Variants in LNPEP observed in about 807,000 individuals in gnomAD.
The protein encoded by LNPEP is leucyl and cystinyl aminopeptidase.
LNPEP carries 64 observed loss-of-function variants against 120.6 expected under a neutral mutation model. The ratio of observed to expected loss-of-function variants is 0.53; its 90% CI spans 0.43 to 0.65. The LOEUF (loss-of-function observed/expected upper bound fraction) is 0.65. Among genes scored for constraint, LNPEP ranks in the 30% least tolerant of loss-of-function variants. LNPEP has a pLI of 0.00. For missense variants in LNPEP, 1,057 were observed against 1,200.0 expected (o/e 0.88, Z 1.76); for synonymous variants, 435 against 425.4 (o/e 1.02, Z -0.28).
intron 1 of LNPEP, among the ~76,000 whole-genome samples, chr5:96,949,900 T>A (rs1197252918): frequency 6.6e-6 from 1 of 152,222 alleles, no homozygotes; most frequent in African/African-American, 2.4e-5. Context: ...TCAGTCAGTC[T>A]GTCTATCCTT....
At chr5:96,951,285 G>A (rs537515938) in intron 1 of LNPEP, among the ~76,000 whole-genome samples, 186 of 151,840 alleles carry the variant, frequency 1.2e-3, no homozygotes, top group Non-Finnish European at 2.3e-3. Flanking sequence ...GGGGGACAGA[G>A]TCTTGCTCTG....
At chr5:96,946,358 T>C (rs937647024) in intron 1 of LNPEP, among the ~76,000 whole-genome samples, 1 of 152,146 alleles carries the variant, frequency 6.6e-6, no homozygotes, top group Non-Finnish European at 1.5e-5. Flanking sequence ...AGAAAAATAA[T>C]TGAATATAGA....
At chr5:97,008,252 T>C (rs1195883556) in intron 11 of LNPEP, among the ~76,000 whole-genome samples, 1 of 152,042 alleles carries the variant, frequency 6.6e-6, no homozygotes, top group Non-Finnish European at 1.5e-5. Flanking sequence ...TTTTCAGTGC[T>C]ATTAGAAATA....
rs1470392013 is a variant in LNPEP at position 97,003,550 on chromosome 5, A to G, written c.1785+4A>G. The G allele has an allele frequency of 1.3e-6, 2 of 1,581,638 alleles. No homozygotes were observed. Among genetic ancestry groups the G allele is most frequent in the Non-Finnish European group, 1.7e-6 (2 of 1,165,986 alleles). On this transcript the variant is annotated splice_donor_region_variant and intron_variant, in intron 9 of 17. Coordinates refer to ENST00000231368, the MANE Select transcript of LNPEP (RefSeq NM_005575.3). ...TCTGTGGGATAGTTTTAATGAGGTAAGTGACCTGGGTAATTTATTTAGCTC... is the reference window on the plus strand; with the variant it reads ...TCTGTGGGATAGTTTTAATGAGGTAGGTGACCTGGGTAATTTATTTAGCTC...
chr5:97,026,651 C>T lies in LNPEP; in HGVS notation c.2758C>T (p.Arg920Ter), dbSNP rs777894245. The change falls in exon 16 of 18, where the codon CGA becomes TGA. Residue 920 changes from arginine to a stop codon, truncating the protein, a stop_gained. Transcript: ENST00000231368. LOFTEE classifies it high-confidence loss of function. ...AAGTAGCCTGAATGGAGATAACTTC[C>T]GAACACAGAAGCTGTCTTTTATCAT... ...MKSSLNGDNF[R>*]TQKLSFIIRT... 1 of 1,612,816 alleles carries T rather than the reference C, an allele frequency of 6.2e-7. No homozygotes were observed. Among genetic ancestry groups the T allele is most frequent in the South Asian group, 1.1e-5 (1 of 91,012 alleles).
intron 8 of LNPEP, among the ~76,000 whole-genome samples, chr5:96,999,039 C>T (rs1338462362): frequency 6.6e-6 from 1 of 152,020 alleles, no homozygotes; most frequent in African/African-American, 2.4e-5. Flanking sequence ...GTGGAAGCCA[C>T]ACGTGAAGAG....
At chr5:96,941,170 A>G (rs921544332) in intron 1 of LNPEP, among the ~76,000 whole-genome samples, 5 of 152,210 alleles carry the variant, frequency 3.3e-5, no homozygotes, top group African/African-American at 1.2e-4. Context: ...GATCCCTCAC[A>G]TGCGCAGTTC....
Position 97,027,743 on chromosome 5 carries a change from G to C in LNPEP, c.2875G>C (p.Gly959Arg), listed in dbSNP as rs773916168. Residue 959 changes from glycine (G) to arginine (R), a missense_variant, in exon 17 of 18, where the codon GGG (glycine) becomes CGG (arginine). Transcript: ENST00000231368. ...WNKLVQKFPL[G>R]SYTIQNIVAG... ...TTTGTGTTTCTTCAGGTTCCCTCTGGGGTCCTATACCATACAAAATATTGT... is the reference window on the plus strand; with the variant it reads ...TTTGTGTTTCTTCAGGTTCCCTCTGCGGTCCTATACCATACAAAATATTGT... 4 of 1,597,508 alleles carry C rather than the reference G, an allele frequency of 2.5e-6. No individual in the cohort carries two copies. In the East Asian group the frequency reaches 8.9e-5, roughly 36 times the overall value.
intron 9 of LNPEP, among the ~76,000 whole-genome samples, chr5:97,005,292 A>G: frequency 6.6e-6 from 1 of 152,148 alleles, no homozygotes; most frequent in East Asian, 1.9e-4. Context: ...TAGAAAAATA[A>G]TTTGAATCCT....
chr5:96,968,847 T>C (rs1471426701), intron 1 of LNPEP, among the ~76,000 whole-genome samples: 1 of 152,100 alleles, frequency 6.6e-6, no homozygotes, highest in Non-Finnish European at 1.5e-5. Context: ...TCTCACATGC[T>C]GTTCAGAGGC....
intron 5 of LNPEP, among the ~76,000 whole-genome samples, chr5:96,993,354 A>C (rs551420387): frequency 3.3e-5 from 5 of 152,192 alleles, no homozygotes; most frequent in African/African-American, 4.8e-5. Flanking sequence ...GGCTGCTAAA[A>C]AGGTGCTGTA....
rs752164778 is a variant in LNPEP at position 97,035,452 on chromosome 5, A to G, written c.*6919A>G. 4 of 152,054 alleles carry G rather than the reference A, an allele frequency of 2.6e-5. No homozygotes were observed. Among genetic ancestry groups the G allele is most frequent in the Non-Finnish European group, 5.9e-5 (4 of 68,000 alleles). 9.4% of individuals were successfully genotyped at this position (152,054 alleles called of 1,614,324 possible). ...TTTTTGGTAGGGGAATATTCTTAAT[A>G]TGTTTTCATATCTTTATTTCATTTT... On this transcript the variant is annotated 3_prime_UTR_variant, in exon 18 of 18. Transcript: ENST00000231368.
intron 16 of LNPEP, among the ~76,000 whole-genome samples, 180 bp from the exon 17 acceptor site, chr5:97,027,553 G>A (rs1207825203): frequency 6.6e-6 from 1 of 151,800 alleles, no homozygotes; most frequent in East Asian, 1.9e-4. Flanking sequence ...CCCTTTTTCT[G>A]CCCACCTTTC....
chr5:96,953,941 A>G (rs1789381528), intron 1 of LNPEP, among the ~76,000 whole-genome samples: 1 of 152,160 alleles, frequency 6.6e-6, no homozygotes, highest in African/African-American at 2.4e-5. Context: ...GCTTGCTTTT[A>G]TCCTTGAGGT....
At chr5:97,001,322 A>G (rs1031576718) in intron 8 of LNPEP, among the ~76,000 whole-genome samples, 1 of 152,190 alleles carries the variant, frequency 6.6e-6, no homozygotes, top group Non-Finnish European at 1.5e-5. Context: ...GAGAGGGGTC[A>G]GGGTAACTTT....
intron 1 of LNPEP, among the ~76,000 whole-genome samples, chr5:96,970,849 A>G (rs1561435810): frequency 6.6e-6 from 1 of 151,704 alleles, no homozygotes; most frequent in Admixed American, 6.6e-5. Context: ...GTTGTCTTTT[A>G]TTTTTTGGTT....
intron 2 of LNPEP, among the ~76,000 whole-genome samples, chr5:96,982,370 T>C (rs1244663793): frequency 6.6e-6 from 1 of 152,220 alleles, no homozygotes; most frequent in Non-Finnish European, 1.5e-5. Flanking sequence ...AAAGGAAATA[T>C]ACTCTCCAGT....
intron 1 of LNPEP, among the ~76,000 whole-genome samples, chr5:96,945,962 G>A (rs1789176612): frequency 1.3e-5 from 2 of 152,324 alleles, no homozygotes; most frequent in Admixed American, 1.3e-4. Flanking sequence ...AAAGTGCTTT[G>A]AAGACAGAAA....
At chr5:96,960,451 T>C (rs1412968371) in intron 1 of LNPEP, among the ~76,000 whole-genome samples, 1 of 152,176 alleles carries the variant, frequency 6.6e-6, no homozygotes, top group East Asian at 1.9e-4. Flanking sequence ...CAATATGAAT[T>C]GCTTTAAATC....
Sources: allele counts gnomAD v4.1 joint callset (sites outside exome capture counted in the v4.1 genomes callset), GRCh38; gene constraint gnomAD v4.1.1; transcripts MANE v1.5; gene names NCBI Gene and HGNC (gene_info 2026-07-23, HGNC 2026-07-21).